The following USP50 variants were observed in gnomAD, a reference collection of about 807,000 sequenced individuals.
The protein encoded by USP50 is ubiquitin carboxyl-terminal hydrolase 50.
Under a neutral mutation model 39.2 loss-of-function variants are expected in USP50, and 37 were observed. The observed-to-expected ratio is 0.94, with a 90% CI of 0.73 to 1.24. The LOEUF is 1.24. Among genes scored for constraint, USP50 ranks in the 50% most tolerant of loss-of-function variants. USP50 has a pLI of 0.00. For synonymous variants in USP50, 139 were observed against 144.5 expected (o/e 0.96, Z 0.27); for missense variants, 374 against 398.2 (o/e 0.94, Z 0.52).
chr15:50,503,738 C>T (rs2052621405), intron 6 of USP50: 1 of 152,084 alleles, frequency 6.6e-6, no homozygotes, highest in African/African-American at 2.4e-5. Context: ...AGGGCAGTTG[C>T]CAGAAGGAAA....
At chr15:50,546,338 C>G in intron 1 of USP50, 135 bp downstream of exon 1, 7 of 847,124 alleles carry the variant, frequency 8.3e-6, no homozygotes, top group Non-Finnish European at 1.3e-5. Flanking sequence ...TACAATCTTC[C>G]TTCCTTTCCG....
downstream of USP50, chr15:50,497,182 A>AAGAT (rs1399882138): frequency 1.9e-6 from 3 of 1,611,334 alleles, no homozygotes; most frequent in East Asian, 2.2e-5. Context: ...TTCTCTAAAA[A>AAGAT]AGATAGAAAT....
intron 1 of USP50, among the ~76,000 whole-genome samples, chr15:50,495,190 A>G (rs997734489): frequency 1.4e-5 from 2 of 146,946 alleles, no homozygotes; most frequent in African/African-American, 4.9e-5. Flanking sequence ...CACTGAACAG[A>G]TATATATATA....
At chr15:50,501,553 A>C (rs2052589051) in intron 6 of USP50, 1 of 151,902 alleles carries the variant, frequency 6.6e-6, no homozygotes, top group South Asian at 2.1e-4. Flanking sequence ...GAGACATTTA[A>C]CATTAGAATA....
intron 6 of USP50, chr15:50,513,518 T>TAAAAAAAAAAAAAAAAAAAAAGAAA (rs35523535): frequency 1.2e-5 from 1 of 85,980 alleles, no homozygotes; most frequent in Non-Finnish European, 2.3e-5. Flanking sequence ...CGAAACTGTC[T>TAAAAAAAAAAAAAAAAAAAAAGAAA]AAAAAAAAAA....
chr15:50,521,062 G>T (rs568780962), intron 6 of USP50, among the ~76,000 whole-genome samples: 1 of 152,280 alleles, frequency 6.6e-6, no homozygotes, highest in African/African-American at 2.4e-5. Flanking sequence ...TTTGTTTTGA[G>T]ATGGAGGTTT....
chr15:50,544,579 G>A lies in USP50; in HGVS notation c.248+8C>T. 1 of 1,610,608 alleles carries A rather than the reference G, an allele frequency of 6.2e-7. No individual in the cohort carries two copies. ...GGGCTGGGCTGCAGGGAATGCAAAT[G>A]GTCTTACTTTTGCAGAGCGGTGATA... On this transcript the variant is annotated splice_region_variant and intron_variant, in intron 2 of 6. Transcript: ENST00000532404.
intron 1 of USP50, among the ~76,000 whole-genome samples, chr15:50,545,724 A>G (rs1352440068): frequency 6.6e-6 from 1 of 151,986 alleles, no homozygotes; most frequent in African/African-American, 2.4e-5. Flanking sequence ...CACGGAGAGG[A>G]GAAAGAGCAC....
At chr15:50,530,922 T>A (rs1282159870) in intron 5 of USP50, among the ~76,000 whole-genome samples, 1 of 152,162 alleles carries the variant, frequency 6.6e-6, no homozygotes, top group Non-Finnish European at 1.5e-5. Flanking sequence ...AATGTCCTGT[T>A]TTCAAGCTCT....
In USP50 at chr15:50,529,835, A is replaced by T; in HGVS notation, c.898T>A (p.Phe300Ile). The change falls in exon 6 of 7, where the codon TTC (phenylalanine) becomes ATC (isoleucine). Residue 300 changes from phenylalanine to isoleucine, a missense_variant. Phe to Ile is a conservative substitution (Grantham distance 21, BLOSUM62 0). Transcript: ENST00000532404. ...LDLTPYICSI[F>I]RKYPKYNLCA... ...AGGTTGTATTTAGGATATTTCCGGA[A>T]AATTGAGCAAATATAAGGAGTGAGG... 1 of 1,613,932 alleles carries T rather than the reference A, an allele frequency of 6.2e-7. No individual in the cohort carries two copies. The highest frequency in any genetic ancestry group is 8.5e-7 in the Non-Finnish European group (1 of 1,179,862).
At chr15:50,530,617 T>G (rs769149266) in intron 5 of USP50, among the ~76,000 whole-genome samples, 2 of 152,010 alleles carry the variant, frequency 1.3e-5, no homozygotes, top group Non-Finnish European at 2.9e-5. Context: ...AGTAATTTCC[T>G]GGAAAGATTA....
At chr15:50,528,049 T>C (rs926802940) in intron 6 of USP50, among the ~76,000 whole-genome samples, 1 of 145,754 alleles carries the variant, frequency 6.9e-6, no homozygotes, top group Non-Finnish European at 1.5e-5. Context: ...AATAGTTTGA[T>C]TACTAAAAGA....
chr15:50,498,749 A>G (rs747754058), downstream of USP50: 2 of 1,579,618 alleles, frequency 1.3e-6, no homozygotes, highest in Admixed American at 3.7e-5. Flanking sequence ...CTTTGAACTG[A>G]AGACTTTTTG....
downstream of USP50, chr15:50,493,132 A>G (rs895694049): frequency 4.8e-6 from 3 of 627,170 alleles, no homozygotes; most frequent in Non-Finnish European, 8.8e-6. Flanking sequence ...CACAGGGTAG[A>G]AGGTGGAAGC....
chr15:50,534,804 A>G (rs887764435), intron 5 of USP50, among the ~76,000 whole-genome samples: 1 of 152,176 alleles, frequency 6.6e-6, no homozygotes. Context: ...AGACATAGAA[A>G]TTATTAACAT....
At chr15:50,497,744 T>A (rs1595995428), downstream of USP50, 2 of 152,168 alleles carry the variant, frequency 1.3e-5, no homozygotes, top group Admixed American at 6.5e-5. Context: ...ACGAACCAGA[T>A]CTTTTGCTGA....
chr15:50,516,607 A>T (rs2052805819), intron 6 of USP50, among the ~76,000 whole-genome samples: 1 of 152,142 alleles, frequency 6.6e-6, no homozygotes, highest in Non-Finnish European at 1.5e-5. Flanking sequence ...ACAGAGTGAG[A>T]CTCCAAATCA....
intron 3 of USP50, among the ~76,000 whole-genome samples, chr15:50,542,966 G>A (rs527548802): frequency 6.6e-6 from 1 of 152,246 alleles, no homozygotes; most frequent in East Asian, 1.9e-4. Context: ...CAGAGAATGT[G>A]GGTCTCAGAC....
Position 50,525,656 on chromosome 15 carries a change from G to GTATATATGTATATATGTATAT in USP50, c.936+4140_936+4141insATATACATATATACATATATA, listed in dbSNP as rs1566907692. Among the ~76,000 whole-genome samples the GTATATATGTATATATGTATAT allele has an allele frequency of 1.0e-3, 77 of 75,014 alleles. 2 individuals are homozygous for GTATATATGTATATATGTATAT. Among genetic ancestry groups the GTATATATGTATATATGTATAT allele is most frequent in the African/African-American group, 3.6e-3 (73 of 20,226 alleles). The allele number at this position is 75,014 out of a possible 152,430, so 49.2% of individuals were successfully genotyped here. On this transcript the variant is annotated intron_variant, in intron 6 of 6. Coordinates refer to ENST00000532404, the MANE Select transcript of USP50 (RefSeq NM_203494.5). The stretch of plus-strand genomic sequence containing the variant: ...TATATGTATATGTGTATATGTATAT[G>GTATATATGTATATATGTATAT]TATATATGTATATGTATATATGTAT...
Sources: allele counts gnomAD v4.1 joint callset (sites outside exome capture counted in the v4.1 genomes callset), GRCh38; gene constraint gnomAD v4.1.1; transcripts MANE v1.5; gene names NCBI Gene and HGNC (gene_info 2026-07-23, HGNC 2026-07-21).